IDUA: variants seen among roughly 807,000 people sequenced by gnomAD.
The protein encoded by IDUA is alpha-L-iduronidase.
A neutral mutation model predicts 68.9 loss-of-function variants in IDUA; 65 were observed. That is an observed-to-expected ratio of 0.94 (90% confidence interval 0.77 to 1.16). IDUA has a LOEUF of 1.16. IDUA is among the 50% of genes most tolerant of loss of function. IDUA has a pLI of 0.00. For missense variants in IDUA, 1,046 were observed against 938.0 expected, an observed-to-expected ratio of 1.12 and a Z score of -1.50; for synonymous variants, 529 against 433.6, an observed-to-expected ratio of 1.22 and a Z score of -2.73.
chr4:989,797 C>G, intron 2 of IDUA: 1 of 1,572,294 alleles, frequency 6.4e-7, no homozygotes, highest in Non-Finnish European at 8.6e-7. Context: ...GTTGCAGCAG[C>G]CCACAGCCAG....
At chr4:991,483 A>C in intron 2 of IDUA, 1 of 1,611,126 alleles carries the variant, frequency 6.2e-7, no homozygotes, top group Non-Finnish European at 8.5e-7. Flanking sequence ...CAGCCCAGAC[A>C]TGACGTCGCC....
In IDUA at chr4:1,002,345, A is replaced by C; in HGVS notation, c.1049A>C (p.Asn350Thr). Residue 350 changes from asparagine to threonine, a missense_variant, in exon 8 of 14, where the codon AAT (asparagine) becomes ACT (threonine). Transcript: ENST00000514224. ...CCCTACGCGCTCCTGAGCAACGACA[A>C]TGCCTTCCTGAGCTACCACCCGCAC... ...AFPYALLSNDNAFLSYHPHPF... is the reference protein window; with the variant it reads ...AFPYALLSNDTAFLSYHPHPF... 1 of 1,613,104 alleles carries C rather than the reference A, an allele frequency of 6.2e-7. No individual in the cohort carries two copies. The highest frequency in any genetic ancestry group is 8.5e-7 in the Non-Finnish European group (1 of 1,179,674).
intron 8 of IDUA, 111 bp from the exon 9 acceptor site, chr4:1,002,621 G>A (rs1715165728): frequency 8.6e-7 from 1 of 1,160,668 alleles, no homozygotes; most frequent in Non-Finnish European, 1.2e-6. Flanking sequence ...GGCGGGGCCT[G>A]GGGACTCCTT....
Position 1,003,591 on chromosome 4 carries a change from G to T in IDUA, c.1693G>T (p.Val565Phe), listed in dbSNP as rs1231384581. ...CCTGCCCCTGACCCAAGGGCAGCTGGTTCTGGTCTGGTCGGATGAACACGT... is the reference window on the plus strand; with the variant it reads ...CCTGCCCCTGACCCAAGGGCAGCTGTTTCTGGTCTGGTCGGATGAACACGT... ...RALPLTQGQLVLVWSDEHVGS... is the reference protein window; with the variant it reads ...RALPLTQGQLFLVWSDEHVGS... The change falls in exon 12 of 14, where the codon GTT (valine) becomes TTT (phenylalanine). Residue 565 changes from valine (V) to phenylalanine (F), a missense_variant. By Grantham distance (50) the Val-to-Phe change is conservative. Transcript: ENST00000514224. The T allele has an allele frequency of 3.1e-6, 5 of 1,612,422 alleles. No homozygotes were observed. The highest frequency in any genetic ancestry group is 4.2e-6 in the Non-Finnish European group (5 of 1,179,816).
At chr4:1,003,199 G>C in intron 10 of IDUA, 42 bp downstream of exon 10, 2 of 1,299,156 alleles carry the variant, frequency 1.5e-6, no homozygotes, top group South Asian at 2.2e-5. Flanking sequence ...GCCGGGCCGG[G>C]GTCCCGGGGG....
intron 12 of IDUA, 37 bp downstream of exon 12, chr4:1,003,662 C>T (rs1024373627): frequency 1.9e-6 from 3 of 1,608,458 alleles, no homozygotes; most frequent in Non-Finnish European, 1.7e-6. Context: ...CTGCCTGGTC[C>T]TAGGCAGGTC....
chr4:990,414 C>T, intron 2 of IDUA: 1 of 1,498,838 alleles, frequency 6.7e-7, no homozygotes, highest in Admixed American at 2.1e-5. Context: ...AGCCACCTGC[C>T]CCTCACCAGC....
chr4:990,450 G>A, intron 2 of IDUA: 1 of 1,293,910 alleles, frequency 7.7e-7, no homozygotes, highest in Non-Finnish European at 1.1e-6. Context: ...AGGGGTGGTG[G>A]TCACGGCACA....
intron 2 of IDUA, chr4:988,439 G>T: frequency 9.3e-7 from 1 of 1,075,874 alleles, no homozygotes. Flanking sequence ...TACCAGCAGG[G>T]TGGGCACCGG....
Position 987,054 on chromosome 4 carries a change from G to A in IDUA, c.-31G>A. ...GGAGGCGGAACCGGCAGTGCAGCCC[G>A]AAGCCCCGCAGTCCCCGAGCACGCG... On this transcript the variant is annotated 5_prime_UTR_variant, in exon 1 of 14. Transcript: ENST00000514224. 2.7e-6 allele frequency: 4 copies of A among 1,482,986 alleles called. No individual in the cohort carries two copies. Among genetic ancestry groups the A allele is most frequent in the Non-Finnish European group, 3.6e-6 (4 of 1,118,958 alleles). 91.9% of individuals were successfully genotyped at this position (1,482,986 alleles called of 1,614,324 possible).
chr4:987,149 C>A lies in IDUA; in HGVS notation c.65C>A (p.Pro22Gln), dbSNP rs745879759. ...ALLASLLAAP[P>Q]VAPAEAPHLV... ...CTGGCCTCGCTCCTGGCCGCGCCCC[C>A]GGTGGCCCCGGCCGAGGCCCCGCAC... Residue 22 changes from proline to glutamine, a missense_variant, in exon 1 of 14, where the codon CCG becomes CAG. Pro to Gln is a moderately conservative substitution (Grantham distance 76). Coordinates refer to ENST00000514224, the MANE Select transcript of IDUA (RefSeq NM_000203.5). The A allele has an allele frequency of 7.1e-7, 1 of 1,417,430 alleles. No homozygotes were observed. The highest frequency in any genetic ancestry group is 9.2e-7 in the Non-Finnish European group (1 of 1,091,468). The allele number at this position is 1,417,430 out of a possible 1,614,324, so 87.8% of individuals were successfully genotyped here.
At chr4:989,891 G>A in intron 2 of IDUA, 1 of 1,568,084 alleles carries the variant, frequency 6.4e-7, no homozygotes, top group Non-Finnish European at 8.6e-7. Flanking sequence ...GCAGCCACGA[G>A]GGCCAGGGCC....
chr4:992,781 G>C (rs1438619532), intron 2 of IDUA: 1 of 153,588 alleles, frequency 6.5e-6, no homozygotes, highest in Non-Finnish European at 1.4e-5. Flanking sequence ...AGGCCTGACT[G>C]GTCCCACGTG....
intron 2 of IDUA, 111 bp downstream of exon 2, chr4:988,060 A>T: frequency 6.8e-7 from 1 of 1,474,056 alleles, no homozygotes; most frequent in Non-Finnish European, 9.0e-7. Flanking sequence ...CTCCCGCCGA[A>T]GCACCCTGTT....
At chr4:998,434 A>G (rs992964398) in intron 2 of IDUA, among the ~76,000 whole-genome samples, 3 of 152,066 alleles carry the variant, frequency 2.0e-5, no homozygotes, top group Non-Finnish European at 4.4e-5. Flanking sequence ...CCCATCCCCC[A>G]CCACTGCAGA....
At chr4:995,270 C>T (rs1321616777) in intron 2 of IDUA, among the ~76,000 whole-genome samples, 3 of 151,934 alleles carry the variant, frequency 2.0e-5, no homozygotes, top group African/African-American at 7.3e-5. Context: ...GTCTTGAACT[C>T]CTGACCTTGT....
chr4:988,321 G>C (rs1713909173), intron 2 of IDUA: 1 of 1,103,978 alleles, frequency 9.1e-7, no homozygotes, highest in East Asian at 6.5e-5. Context: ...CGCTGGTGCA[G>C]GTGGCCACCC....
At chr4:988,911 C>T (rs1200621802) in intron 2 of IDUA, 1 of 1,605,130 alleles carries the variant, frequency 6.2e-7, no homozygotes, top group Admixed American at 1.7e-5. Flanking sequence ...CACTGAGGAA[C>T]AGCTGCTCCT....
intron 2 of IDUA, chr4:991,844 G>C: frequency 6.6e-7 from 1 of 1,525,636 alleles, no homozygotes; most frequent in Non-Finnish European, 8.8e-7. Flanking sequence ...CCAGGGCCGG[G>C]GATTGGTGCT....
Sources: gnomAD v4.1 joint callset for allele counts (sites outside exome capture counted in the v4.1 genomes callset) on GRCh38, gnomAD v4.1.1 for gene constraint, MANE v1.5 for transcripts, NCBI Gene and HGNC (gene_info 2026-07-23, HGNC 2026-07-21) for gene names.